The following TCF12 variants were observed in gnomAD, a reference collection of about 807,000 sequenced individuals.
The protein encoded by TCF12 is DNA-binding protein HTF4.
Under a neutral mutation model 86.0 loss-of-function variants are expected in TCF12, and 45 were observed. The ratio of observed to expected loss-of-function variants is 0.52; its 90% CI spans 0.41 to 0.67. The LOEUF (loss-of-function observed/expected upper bound fraction) is 0.67. Ranked by LOEUF, TCF12 falls within the 30% of genes least tolerant of loss-of-function variation. TCF12 has a pLI of 0.00. For synonymous variants in TCF12, 330 were observed against 299.6 expected (o/e 1.10, Z -1.05); for missense variants, 881 against 859.9 (o/e 1.02, Z -0.31).
At chr15:57,228,310 C>G (rs899962363) in intron 8 of TCF12, among the ~76,000 whole-genome samples, 1 of 151,994 alleles carries the variant, frequency 6.6e-6, no homozygotes, top group Non-Finnish European at 1.5e-5. Flanking sequence ...CTTATTTAGC[C>G]TGTGTTAGAA....
At chr15:57,180,244 G>T (rs1469532077) in intron 6 of TCF12, among the ~76,000 whole-genome samples, 1 of 152,084 alleles carries the variant, frequency 6.6e-6, no homozygotes, top group Admixed American at 6.5e-5. Context: ...CTTCGATTTT[G>T]ATTTGATTAT....
intron 4 of TCF12, among the ~76,000 whole-genome samples, chr15:57,085,380 T>C (rs1234628517): frequency 2.0e-5 from 3 of 152,366 alleles, no homozygotes; most frequent in East Asian, 3.9e-4. Context: ...CTGTTTCCGA[T>C]GTAGACCTGA....
At chr15:57,064,180 C>T (rs542071658) in intron 4 of TCF12, among the ~76,000 whole-genome samples, 47 of 152,226 alleles carry the variant, frequency 3.1e-4, no homozygotes, top group African/African-American at 1.1e-3. Context: ...AACTTCTAGC[C>T]TCTCTCCCTC....
intron 12 of TCF12, among the ~76,000 whole-genome samples, chr15:57,236,870 T>C (rs2059401979): frequency 6.6e-6 from 1 of 151,388 alleles, no homozygotes; most frequent in Non-Finnish European, 1.5e-5. Context: ...CTAGGGTAGA[T>C]AGAAGGAAAG....
At chr15:57,197,743 C>G in intron 7 of TCF12, 30 bp from the exon 8 acceptor site, 1 of 1,610,622 alleles carries the variant, frequency 6.2e-7, no homozygotes, top group Non-Finnish European at 8.5e-7. Flanking sequence ...GTATATTATG[C>G]TGAAGAAATG....
At chr15:57,109,173 T>C (rs2050325767) in intron 5 of TCF12, 1 of 152,212 alleles carries the variant, frequency 6.6e-6, no homozygotes, top group South Asian at 2.1e-4. Context: ...ATTTATCTAC[T>C]GTGAAGCCCA....
intron 4 of TCF12, among the ~76,000 whole-genome samples, chr15:57,077,953 TG>T (rs1254967280): frequency 2.0e-5 from 3 of 152,122 alleles, no homozygotes; most frequent in African/African-American, 7.2e-5. Context: ...GTCTATGAGA[TG>T]GGGGAAATAT....
intron 6 of TCF12, among the ~76,000 whole-genome samples, chr15:57,174,228 G>C (rs2055745271): frequency 1.3e-5 from 2 of 152,132 alleles, no homozygotes; most frequent in Admixed American, 1.3e-4. Flanking sequence ...CAACACGTGT[G>C]GTTTGTAGGA....
At position 57,136,958 on chromosome 15, in the gene TCF12, G is replaced by GTTTTTTT. The variant is rs869113042; in HGVS notation, c.326-29439_326-29433dup. On this transcript the variant is annotated intron_variant, in intron 5 of 20. Transcript: ENST00000333725. The stretch of plus-strand genomic sequence containing the variant: ...TAGACAATAGCCACTGCTTCTGGCA[G>GTTTTTTT]TTTTTTTTTTTGTTTTTTTTTTTTT... Among the ~76,000 whole-genome samples the GTTTTTTT allele has an allele frequency of 8.5e-4, 71 of 83,044 alleles. 29 individuals are homozygous for GTTTTTTT. The highest frequency in any genetic ancestry group is 1.6e-3 in the African/African-American group (33 of 20,800). 54.5% of individuals were successfully genotyped at this position (83,044 alleles called of 152,430 possible). A position where few individuals can be genotyped will look rare whatever the true frequency, so the allele number is the denominator to read the frequency against.
chr15:57,118,824 C>A (rs1388042248), intron 5 of TCF12, among the ~76,000 whole-genome samples: 1 of 152,176 alleles, frequency 6.6e-6, no homozygotes, highest in Non-Finnish European at 1.5e-5. Context: ...TTAATTCTTT[C>A]ACTAGCCATA....
intron 5 of TCF12, among the ~76,000 whole-genome samples, chr15:57,106,983 A>G (rs1791879375): frequency 1.3e-5 from 2 of 152,376 alleles, no homozygotes; most frequent in African/African-American, 4.8e-5. Context: ...GCAAAATGGT[A>G]TAGTCACTTT....
At chr15:57,057,080 C>T (rs747161573) in intron 3 of TCF12, among the ~76,000 whole-genome samples, 17 of 152,158 alleles carry the variant, frequency 1.1e-4, no homozygotes, top group Non-Finnish European at 2.2e-4. Context: ...TGGTTAGACT[C>T]ATAGCAAAAA....
intron 3 of TCF12, among the ~76,000 whole-genome samples, chr15:57,017,625 A>T (rs1208207836): frequency 6.6e-6 from 1 of 152,230 alleles, no homozygotes; most frequent in Admixed American, 6.5e-5. Flanking sequence ...CAAAATAGGC[A>T]TACAAAGATG....
chr15:57,005,798 G>C (rs1328540516), intron 3 of TCF12, among the ~76,000 whole-genome samples: 1 of 152,132 alleles, frequency 6.6e-6, no homozygotes, highest in South Asian at 2.1e-4. Flanking sequence ...TCGAACTCCT[G>C]ACCTCAACCC....
At chr15:57,248,261 G>T (rs1478143261) in intron 13 of TCF12, among the ~76,000 whole-genome samples, 1 of 152,078 alleles carries the variant, frequency 6.6e-6, no homozygotes, top group African/African-American at 2.4e-5. Flanking sequence ...TTTGTCCCTG[G>T]GGCTAAGAAT....
chr15:56,989,143 A>G (rs1160538702), intron 3 of TCF12, among the ~76,000 whole-genome samples: 2 of 152,132 alleles, frequency 1.3e-5, no homozygotes, highest in Non-Finnish European at 2.9e-5. Context: ...GCATATTTAT[A>G]CCAACATTTA....
chr15:57,044,333 A>G (rs2067088051), intron 3 of TCF12, among the ~76,000 whole-genome samples: 1 of 152,166 alleles, frequency 6.6e-6, no homozygotes, highest in Admixed American at 6.5e-5. Context: ...AGGCCGAGAC[A>G]GGCGGATCAC....
downstream of TCF12, chr15:57,290,973 A>C (rs1375065305): frequency 1.3e-5 from 2 of 152,180 alleles, no homozygotes; most frequent in African/African-American, 4.8e-5. Context: ...TCTTCTAAAA[A>C]TTGCAGTTCC....
chr15:56,955,936 G>A (rs1796391850), intron 3 of TCF12, among the ~76,000 whole-genome samples: 1 of 152,074 alleles, frequency 6.6e-6, no homozygotes, highest in African/African-American at 2.4e-5. Flanking sequence ...TTAATGCTTA[G>A]TAGTATTATA....
Sources: gnomAD v4.1 joint callset for allele counts (sites outside exome capture counted in the v4.1 genomes callset) on GRCh38, gnomAD v4.1.1 for gene constraint, MANE v1.5 for transcripts, NCBI Gene and HGNC (gene_info 2026-07-23, HGNC 2026-07-21) for gene names.